Variants in DMD observed in about 807,000 individuals in gnomAD.
DMD encodes dystrophin.
DMD carries 63 observed loss-of-function variants against 330.1 expected under a neutral mutation model. The observed-to-expected ratio is 0.19, with a 90% confidence interval of 0.16 to 0.24. The LOEUF is 0.24. DMD is among the 10% of genes least tolerant of loss of function. The pLI, the probability that DMD is intolerant of heterozygous loss-of-function variation, is 1.00. For missense variants in DMD, 3,344 were observed against 2,684.1 expected (o/e 1.25, Z -5.43); for synonymous variants, 1,223 against 959.8 (o/e 1.27, Z -5.07).
chrX:32,815,520 T>TATATACACACACACATACAC, intron 6 of DMD, among the ~76,000 whole-genome samples: 4 of 78,957 alleles, frequency 5.1e-5, no homozygotes, highest in African/African-American at 2.1e-4. Context: ...TATATATATA[T>TATATACACACACACATACAC]ACACACACAC....
At chrX:32,322,165 G>A (rs755977956) in intron 41 of DMD, among the ~76,000 whole-genome samples, 3 of 111,432 alleles carry the variant, frequency 2.7e-5, no homozygotes, top group African/African-American at 6.5e-5. Flanking sequence ...GAAAAAAGAA[G>A]AGATGGAAGA....
intron 44 of DMD, among the ~76,000 whole-genome samples, chrX:32,113,171 T>C (rs1216539656): frequency 2.7e-5 from 3 of 112,840 alleles, no homozygotes; most frequent in South Asian, 7.2e-4. Flanking sequence ...CAGGCAATAA[T>C]AACTAATGCA....
chrX:32,454,431 AT>A (rs751688237), intron 26 of DMD, among the ~76,000 whole-genome samples: 1 of 111,066 alleles, frequency 9.0e-6, no homozygotes, highest in East Asian at 2.8e-4. Flanking sequence ...ATTGTTTCAA[AT>A]TGTGATTTTC....
At chrX:32,869,180 A>G (rs2082754934) in intron 2 of DMD, among the ~76,000 whole-genome samples, 1 of 111,554 alleles carries the variant, frequency 9.0e-6, no homozygotes. Flanking sequence ...GGACCTGTTA[A>G]AAAAGCAAAC....
intron 9 of DMD, among the ~76,000 whole-genome samples, chrX:32,649,857 C>T (rs1254560539): frequency 9.0e-6 from 1 of 111,022 alleles, no homozygotes; most frequent in Non-Finnish European, 1.9e-5. Context: ...GTTACCCCAT[C>T]TATAAAACAA....
chrX:32,249,466 T>C (rs914510742), intron 43 of DMD, among the ~76,000 whole-genome samples: 1 of 111,895 alleles, frequency 8.9e-6, no homozygotes, highest in Non-Finnish European at 1.9e-5. Flanking sequence ...AGTGGAAAAG[T>C]GCTTGAGGAA....
chrX:31,858,616 TAA>T (rs1276226007), intron 48 of DMD, among the ~76,000 whole-genome samples: 1 of 110,519 alleles, frequency 9.0e-6, no homozygotes, highest in Non-Finnish European at 1.9e-5. Flanking sequence ...AGATAATTCT[TAA>T]AGTGTTCTTT....
At chrX:32,850,154 G>C (rs1178515896) in intron 2 of DMD, among the ~76,000 whole-genome samples, 1 of 111,534 alleles carries the variant, frequency 9.0e-6, no homozygotes, top group African/African-American at 3.3e-5. Flanking sequence ...AAAGGGAAAA[G>C]TAAATACACA....
At chrX:32,311,724 A>C (rs946155200) in intron 41 of DMD, among the ~76,000 whole-genome samples, 5 of 112,009 alleles carry the variant, frequency 4.5e-5, no homozygotes, top group Non-Finnish European at 5.7e-5. Context: ...TTCAGAATTT[A>C]ACAGATTTCT....
intron 55 of DMD, among the ~76,000 whole-genome samples, chrX:31,576,874 C>G (rs887121508): frequency 3.6e-5 from 4 of 109,854 alleles, no homozygotes; most frequent in Non-Finnish European, 7.6e-5. Context: ...CACCACCACG[C>G]CCGGCTAATT....
intron 63 of DMD, among the ~76,000 whole-genome samples, chrX:31,260,637 T>C (rs1603252808): frequency 9.2e-6 from 1 of 109,144 alleles, no homozygotes; most frequent in South Asian, 3.9e-4. Flanking sequence ...TCTATCTTCG[T>C]GGGAAGAAAA....
At chrX:32,785,087 A>C (rs1603418258) in intron 7 of DMD, among the ~76,000 whole-genome samples, 1 of 110,588 alleles carries the variant, frequency 9.0e-6, no homozygotes, top group East Asian at 2.8e-4. Flanking sequence ...GACTAAGAAT[A>C]AAAAGTAGGG....
intron 11 of DMD, among the ~76,000 whole-genome samples, chrX:32,624,465 C>A (rs1043165582): frequency 1.8e-5 from 2 of 111,775 alleles, no homozygotes; most frequent in African/African-American, 6.5e-5. Flanking sequence ...AGTTACAGAC[C>A]TAATGGTCTC....
At chrX:32,406,095 T>C (rs138863237) in intron 30 of DMD, among the ~76,000 whole-genome samples, 29 of 111,927 alleles carry the variant, frequency 2.6e-4, no homozygotes, top group Middle Eastern at 4.6e-3. Context: ...TTTTTGCACA[T>C]TGATTTTGCA....
intron 34 of DMD, among the ~76,000 whole-genome samples, chrX:32,377,909 C>T (rs528657854): frequency 5.4e-5 from 6 of 111,084 alleles, no homozygotes; most frequent in African/African-American, 2.0e-4. Flanking sequence ...ACTTCTGCTC[C>T]AATATTTTTT....
intron 62 of DMD, among the ~76,000 whole-genome samples, chrX:31,295,563 G>A (rs1325387545): frequency 9.0e-6 from 1 of 111,071 alleles, no homozygotes; most frequent in Non-Finnish European, 1.9e-5. Flanking sequence ...ACAAGCGCTC[G>A]CTATGAACGC....
intron 16 of DMD, among the ~76,000 whole-genome samples, chrX:32,548,182 G>T (rs58480145): frequency 0.12 from 13,142 of 110,577 alleles, 1,359 homozygotes; most frequent in African/African-American, 0.33. Context: ...TTCACTATAG[G>T]ACATTCAGAA....
At chrX:31,722,164 G>T (rs768024820) in intron 52 of DMD, among the ~76,000 whole-genome samples, 7 of 110,364 alleles carry the variant, frequency 6.3e-5, no homozygotes, top group Non-Finnish European at 1.1e-4. Context: ...TGTTGCCCAG[G>T]TTAGAGTGCA....
rs191209096 is a variant in DMD, at chrX:31,609,218, C to A, written c.8217+18455G>T. 1.3e-4 allele frequency among the ~76,000 whole-genome samples: 15 copies of A among 111,298 alleles called. No homozygotes were observed. In the East Asian group the frequency reaches 4.3e-3, roughly 32 times the overall value. On this transcript the variant is annotated intron_variant, in intron 55 of 78. Transcript: ENST00000357033. ...CTTTAACAGCGGATGTGAGTATAGGCAGACTGATGCAATGTCTAGTCTAGG... is the reference window on the plus strand; with the variant it reads ...CTTTAACAGCGGATGTGAGTATAGGAAGACTGATGCAATGTCTAGTCTAGG...
Sources: gnomAD v4.1 joint callset for allele counts (sites outside exome capture counted in the v4.1 genomes callset) on GRCh38, gnomAD v4.1.1 for gene constraint, MANE v1.5 for transcripts, NCBI Gene and HGNC (gene_info 2026-07-23, HGNC 2026-07-21) for gene names.